ABLIM1: variants seen among roughly 807,000 people sequenced by gnomAD.
ABLIM1 encodes the protein actin binding LIM protein 1, also known as actin-binding LIM protein 1.
ABLIM1 carries 40 observed loss-of-function variants against 107.0 expected under a neutral mutation model. That is an observed-to-expected ratio of 0.37 (90% CI 0.29 to 0.49). The LOEUF (loss-of-function observed/expected upper bound fraction) is 0.49. Ranked by LOEUF, ABLIM1 falls within the 20% of genes least tolerant of loss-of-function variation. The pLI is 0.97. For synonymous variants in ABLIM1, 357 were observed against 357.3 expected, an observed-to-expected ratio of 1.00 and a Z score of 0.01; for missense variants, 857 against 1,008.5, an observed-to-expected ratio of 0.85 and a Z score of 2.04.
Position 114,443,907 on chromosome 10 carries a change from C to T in ABLIM1, c.1933+122G>A. 3 of 757,388 alleles carry T rather than the reference C, an allele frequency of 4.0e-6. No homozygotes were observed. The South Asian group carries it at 6.0e-5, about 15-fold the overall frequency. 46.9% of individuals were successfully genotyped at this position (757,388 alleles called of 1,614,324 possible). ...AGCTCATTTGACATGGAGTGGGTTT[C>T]CCACACTTCCTTTCCCGTGGAATAC... On this transcript the variant is annotated intron_variant, in intron 17 of 22. Transcript: ENST00000533213.
At chr10:114,502,636 A>G (rs2060581931) in intron 6 of ABLIM1, among the ~76,000 whole-genome samples, 2 of 152,124 alleles carry the variant, frequency 1.3e-5, no homozygotes, top group African/African-American at 4.8e-5. Flanking sequence ...AGCTGGGATT[A>G]CAGGTATGCG....
intron 3 of ABLIM1, among the ~76,000 whole-genome samples, chr10:114,573,861 C>G (rs913315793): frequency 8.5e-5 from 13 of 152,050 alleles, no homozygotes; most frequent in African/African-American, 3.1e-4. Flanking sequence ...CATGCCAGCC[C>G]AGGACTCTTA....
chr10:114,559,459 A>AAAAG (rs58147385), intron 4 of ABLIM1, among the ~76,000 whole-genome samples: 3 of 142,182 alleles, frequency 2.1e-5, no homozygotes, highest in East Asian at 4.1e-4. Flanking sequence ...AAAAAAAAAA[A>AAAAG]AAAGAAAGAA....
At chr10:114,662,658 G>GGGC (rs2079844485), upstream of ABLIM1, among the ~76,000 whole-genome samples, 2 of 152,104 alleles carry the variant, frequency 1.3e-5, no homozygotes, top group Non-Finnish European at 2.9e-5. Context: ...TTCTCTTCCC[G>GGGC]TAATGCCACT....
chr10:114,715,617 A>G (rs1591872620), intron 1 of ABLIM1, among the ~76,000 whole-genome samples: 1 of 152,282 alleles, frequency 6.6e-6, no homozygotes, highest in Middle Eastern at 3.4e-3. Flanking sequence ...GTCGCCAAGG[A>G]AAAGAAGGTG....
chr10:114,547,414 T>C, intron 5 of ABLIM1: 1 of 543,222 alleles, frequency 1.8e-6, no homozygotes, highest in East Asian at 3.2e-5. Flanking sequence ...TGTAACAGTG[T>C]CAGCTTCATT....
chr10:114,724,851 G>A (rs1422647627), intron 1 of ABLIM1, among the ~76,000 whole-genome samples: 1 of 152,182 alleles, frequency 6.6e-6, no homozygotes, highest in Non-Finnish European at 1.5e-5. Context: ...TGAGTTGGCT[G>A]CAGGGTGCTC....
chr10:114,605,454 C>T (rs11196799), intron 1 of ABLIM1, among the ~76,000 whole-genome samples: 74,317 of 151,952 alleles, frequency 0.49, 20,072 homozygotes, highest in Non-Finnish European at 0.61. Context: ...ACTTATTTTA[C>T]TGATAGGGAA....
intron 7 of ABLIM1, among the ~76,000 whole-genome samples, chr10:114,488,843 TA>T (rs1590320587): frequency 6.6e-6 from 1 of 152,308 alleles, no homozygotes. Flanking sequence ...TGATTATGAG[TA>T]AGGCTGATAT....
chr10:114,760,187 G>A (rs910656158), intron 1 of ABLIM1, among the ~76,000 whole-genome samples: 1 of 152,018 alleles, frequency 6.6e-6, no homozygotes, highest in African/African-American at 2.4e-5. Flanking sequence ...TTGAATCTCG[G>A]TGAGAAAGGG....
At chr10:114,600,164 C>T (rs561628538) in intron 2 of ABLIM1, among the ~76,000 whole-genome samples, 1 of 152,240 alleles carries the variant, frequency 6.6e-6, no homozygotes, top group African/African-American at 2.4e-5. Context: ...CACAATCAGA[C>T]AGCTGCTTAA....
At chr10:114,512,855 AGAAGGAAG>A (rs869261400) in intron 6 of ABLIM1, among the ~76,000 whole-genome samples, 36 of 51,316 alleles carry the variant, frequency 7.0e-4, no homozygotes, top group South Asian at 2.1e-3. Flanking sequence ...AAGGAAGGAA[AGAAGGAAG>A]GAAGGAAGGA....
intron 4 of ABLIM1, among the ~76,000 whole-genome samples, chr10:114,560,142 G>A (rs1293784086): frequency 1.3e-5 from 2 of 152,150 alleles, no homozygotes; most frequent in Non-Finnish European, 2.9e-5. Context: ...CCCTTAAAAT[G>A]TACCAAGACC....
chr10:114,454,078 G>A (rs2062379110), intron 12 of ABLIM1, among the ~76,000 whole-genome samples: 1 of 152,298 alleles, frequency 6.6e-6, no homozygotes, highest in Non-Finnish European at 1.5e-5. Context: ...TCAGACGCGT[G>A]TCAGCCAGGT....
At chr10:114,468,386 T>G (rs961793351) in intron 10 of ABLIM1, 170 bp from the exon 11 acceptor site, 10 of 579,574 alleles carry the variant, frequency 1.7e-5, no homozygotes, top group Non-Finnish European at 3.1e-5. Context: ...GCGATTCTCC[T>G]GCCTCAGCCT....
intron 4 of ABLIM1, among the ~76,000 whole-genome samples, chr10:114,570,081 C>G (rs2071423466): frequency 6.6e-6 from 1 of 152,118 alleles, no homozygotes; most frequent in South Asian, 2.1e-4. Context: ...TTATCTCATC[C>G]TTACGTATTA....
At chr10:114,648,621 T>C (rs1178896875) in intron 1 of ABLIM1, among the ~76,000 whole-genome samples, 3 of 152,236 alleles carry the variant, frequency 2.0e-5, no homozygotes, top group African/African-American at 4.8e-5. Context: ...GTTGCACAAC[T>C]TCGTGGTTCT....
intron 1 of ABLIM1, among the ~76,000 whole-genome samples, chr10:114,712,815 T>C (rs1303719918): frequency 6.6e-6 from 1 of 152,226 alleles, no homozygotes; most frequent in Non-Finnish European, 1.5e-5. Context: ...TTTTCTATAA[T>C]TACTTCTTAT....
At chr10:114,602,846 G>A (rs1005989875) in intron 1 of ABLIM1, among the ~76,000 whole-genome samples, 1 of 152,172 alleles carries the variant, frequency 6.6e-6, no homozygotes, top group Non-Finnish European at 1.5e-5. Context: ...TGACTGCCCA[G>A]CCCTGGGACT....
Sources: allele counts gnomAD v4.1 joint callset (sites outside exome capture counted in the v4.1 genomes callset), GRCh38; gene constraint gnomAD v4.1.1; transcripts MANE v1.5; gene names NCBI Gene and HGNC (gene_info 2026-07-23, HGNC 2026-07-21).